The following FBXL17 variants were observed in gnomAD, a reference collection of about 807,000 sequenced individuals.
FBXL17 encodes the protein F-box and leucine rich repeat protein 17.
Under a neutral mutation model 66.2 loss-of-function variants are expected in FBXL17, and 22 were observed. That is an observed-to-expected ratio of 0.33 (90% confidence interval 0.24 to 0.47). FBXL17 has a LOEUF of 0.47. FBXL17 is among the 20% of genes least tolerant of loss of function. FBXL17 has a pLI of 1.00. For missense variants in FBXL17, 878 were observed against 948.2 expected, an observed-to-expected ratio of 0.93 and a Z score of 0.97; for synonymous variants, 474 against 400.5, an observed-to-expected ratio of 1.18 and a Z score of -2.19.
intron 6 of FBXL17, among the ~76,000 whole-genome samples, chr5:108,134,584 C>T (rs1751061772): frequency 6.6e-6 from 1 of 152,096 alleles, no homozygotes; most frequent in Non-Finnish European, 1.5e-5. Flanking sequence ...ATGGGCCCAG[C>T]TCAGTGTACC....
Position 107,959,381 on chromosome 5 carries a change from AACACACAC to A in FBXL17, c.1822+61536_1822+61543del, listed in dbSNP as rs57041975. ...TTATTTAACATACAGGGCTGCTATAAACACACACACACACACACACACACACACACACA... is the reference window on the plus strand; with the variant it reads ...TTATTTAACATACAGGGCTGCTATAAACACACACACACACACACACACACA... On this transcript the variant is annotated intron_variant, in intron 7 of 8. Transcript: ENST00000542267. Among the ~76,000 whole-genome samples the A allele has an allele frequency of 7.6e-3, 1,122 of 147,972 alleles. 7 individuals carry two copies. The highest frequency in any genetic ancestry group is 0.019 in the South Asian group (86 of 4,600).
At chr5:108,287,672 G>T (rs1278792946) in intron 4 of FBXL17, among the ~76,000 whole-genome samples, 2 of 152,038 alleles carry the variant, frequency 1.3e-5, no homozygotes, top group Non-Finnish European at 2.9e-5. Flanking sequence ...TGATGGGAAT[G>T]TAAATTAGTT....
chr5:108,121,482 C>T (rs985483964), intron 6 of FBXL17, among the ~76,000 whole-genome samples: 1 of 151,998 alleles, frequency 6.6e-6, no homozygotes, highest in Admixed American at 6.6e-5. Context: ...CAGAATGAGT[C>T]CATGCATATT....
intron 6 of FBXL17, among the ~76,000 whole-genome samples, chr5:108,071,997 C>A (rs576472697): frequency 1.3e-5 from 2 of 152,206 alleles, no homozygotes; most frequent in East Asian, 3.9e-4. Context: ...CCTCTATCTT[C>A]TGGATTGTTT....
chr5:108,161,479 C>G (rs1049869590), intron 6 of FBXL17, among the ~76,000 whole-genome samples: 1 of 111,628 alleles, frequency 9.0e-6, no homozygotes, highest in African/African-American at 3.0e-5. Context: ...GCGGAAGACT[C>G]TGTCTCAAAC....
intron 5 of FBXL17, among the ~76,000 whole-genome samples, chr5:108,191,293 T>C (rs574648765): frequency 1.3e-5 from 2 of 152,356 alleles, no homozygotes; most frequent in African/African-American, 2.4e-5. Flanking sequence ...AGTTTCTATG[T>C]GAATTCTTAC....
chr5:107,913,480 C>T (rs575341430), intron 7 of FBXL17, among the ~76,000 whole-genome samples: 2 of 152,250 alleles, frequency 1.3e-5, no homozygotes, highest in South Asian at 2.1e-4. Context: ...ATGTGGATGA[C>T]AGTGATGATC....
At chr5:108,233,663 A>G (rs1755469384) in intron 4 of FBXL17, among the ~76,000 whole-genome samples, 1 of 152,194 alleles carries the variant, frequency 6.6e-6, no homozygotes, top group Non-Finnish European at 1.5e-5. Flanking sequence ...AAGCCAAGCT[A>G]CACTTTTATA....
rs117865718 is a variant in FBXL17 at position 108,001,074 on chromosome 5, T to C, written c.1822+19851A>G. ...AAATATAAAACTGTAAAGCAACTAATAATACTAAAATGTTGACCTCAAAGC... is the reference window on the plus strand; with the variant it reads ...AAATATAAAACTGTAAAGCAACTAACAATACTAAAATGTTGACCTCAAAGC... On this transcript the variant is annotated intron_variant, in intron 7 of 8. Coordinates refer to ENST00000542267, the MANE Select transcript of FBXL17 (RefSeq NM_001163315.3). Among the ~76,000 whole-genome samples the C allele has an allele frequency of 8.6e-3, 1,315 of 152,252 alleles. 40 individuals are homozygous for C. Among genetic ancestry groups the C allele is most frequent in the Admixed American group, 0.058 (887 of 15,286 alleles).
rs1297064982 is a variant in FBXL17, at chr5:108,359,238, A to T, written c.1374+5500T>A. On this transcript the variant is annotated intron_variant, in intron 3 of 8. Transcript: ENST00000542267. ...AGTTAAAGGTTTGTCAGAGTTTTTT[A>T]AAATCTTTTCGAAGAACCTAGTTTG... Among the ~76,000 whole-genome samples the T allele has an allele frequency of 1.3e-5, 2 of 152,168 alleles. 1 individual carries two copies. The highest frequency in any genetic ancestry group is 6.8e-3 in the Middle Eastern group (2 of 294).
intron 6 of FBXL17, among the ~76,000 whole-genome samples, chr5:108,149,338 T>C (rs1407056548): frequency 1.3e-5 from 2 of 152,258 alleles, no homozygotes; most frequent in Non-Finnish European, 2.9e-5. Context: ...TATCATTACA[T>C]ACATTTAGAG....
chr5:108,106,863 A>G (rs1216120196), intron 6 of FBXL17, among the ~76,000 whole-genome samples: 1 of 152,328 alleles, frequency 6.6e-6, no homozygotes, highest in Non-Finnish European at 1.5e-5. Context: ...TATACTAAAT[A>G]TGAATATACT....
rs531790517 is a variant in FBXL17, at chr5:107,869,207, G to T, written c.1966-7347C>A. Among the ~76,000 whole-genome samples the T allele has an allele frequency of 2.0e-5, 3 of 152,282 alleles. No homozygotes were observed. In the East Asian group the frequency reaches 5.8e-4, roughly 29 times the overall value. ...TAACAGCCCCAGAGGCTGACTCCTGGTGGCCCAGAGGCAGAGTGTTGTCTC... is the reference window on the plus strand; with the variant it reads ...TAACAGCCCCAGAGGCTGACTCCTGTTGGCCCAGAGGCAGAGTGTTGTCTC... On this transcript the variant is annotated intron_variant, in intron 8 of 8. Transcript: ENST00000542267.
Position 108,055,526 on chromosome 5 carries a change from G to A in FBXL17, c.1746-34525C>T, listed in dbSNP as rs547003804. Among the ~76,000 whole-genome samples the A allele has an allele frequency of 4.8e-5, 7 of 146,430 alleles. No homozygotes were observed. The East Asian group carries it at 6.2e-4, about 13-fold the overall frequency. ...CGAGAGGCTGAGGCAGGAGAATGGCGTGAACCCGGGAGGTGGAGCTTGCAG... is the reference window on the plus strand; with the variant it reads ...CGAGAGGCTGAGGCAGGAGAATGGCATGAACCCGGGAGGTGGAGCTTGCAG... On this transcript the variant is annotated intron_variant, in intron 6 of 8. Coordinates refer to ENST00000542267, the MANE Select transcript of FBXL17 (RefSeq NM_001163315.3).
At chr5:108,374,483 G>A (rs1459803191) in intron 1 of FBXL17, among the ~76,000 whole-genome samples, 1 of 151,974 alleles carries the variant, frequency 6.6e-6, no homozygotes, top group Non-Finnish European at 1.5e-5. Flanking sequence ...ACCAGCCTGG[G>A]CAACATGGCA....
At chr5:108,230,523 G>A (rs780919350) in intron 4 of FBXL17, among the ~76,000 whole-genome samples, 1 of 152,120 alleles carries the variant, frequency 6.6e-6, no homozygotes, top group African/African-American at 2.4e-5. Flanking sequence ...TAAGCTATGA[G>A]GATGCAAAGG....
At chr5:108,274,223 G>C (rs1259667967) in intron 4 of FBXL17, among the ~76,000 whole-genome samples, 1 of 152,182 alleles carries the variant, frequency 6.6e-6, no homozygotes, top group Non-Finnish European at 1.5e-5. Flanking sequence ...GCCTGGGCGT[G>C]CTACGGGAGA....
chr5:108,216,380 T>C (rs1754600117), intron 5 of FBXL17, among the ~76,000 whole-genome samples: 1 of 152,160 alleles, frequency 6.6e-6, no homozygotes, highest in South Asian at 2.1e-4. Context: ...GTTTTGTGGG[T>C]TTCAGTGATC....
chr5:108,066,052 CTGA>C (rs764265565), intron 6 of FBXL17, among the ~76,000 whole-genome samples: 15 of 152,094 alleles, frequency 9.9e-5, no homozygotes, highest in Non-Finnish European at 2.1e-4. Context: ...GACTCCCCTC[CTGA>C]TAAGAAATTC....
Sources: gnomAD v4.1 joint callset for allele counts (sites outside exome capture counted in the v4.1 genomes callset) on GRCh38, gnomAD v4.1.1 for gene constraint, MANE v1.5 for transcripts, NCBI Gene and HGNC (gene_info 2026-07-23, HGNC 2026-07-21) for gene names.